The following PFKL variants were observed in gnomAD, a reference collection of about 807,000 sequenced individuals.
The protein encoded by PFKL is phosphofructokinase, liver type, also known as ATP-dependent 6-phosphofructokinase, liver type.
PFKL carries 74 observed loss-of-function variants against 92.1 expected under a neutral mutation model. The observed-to-expected ratio is 0.80, with a 90% CI of 0.67 to 0.97. PFKL has a LOEUF of 0.97. Ranked by LOEUF, PFKL falls within the 50% of genes least tolerant of loss-of-function variation. The probability of loss-of-function intolerance (pLI) is 0.00; values close to 1 mark genes in which losing one functional copy is unlikely to be tolerated. For synonymous variants in PFKL, 494 were observed against 456.4 expected, an observed-to-expected ratio of 1.08 and a Z score of -1.05; for missense variants, 1,028 against 1,116.6, an observed-to-expected ratio of 0.92 and a Z score of 1.13.
At position 44,311,235 on chromosome 21, in the gene PFKL, C is replaced by G. The variant is rs530271064; in HGVS notation, c.237+152C>G. ...AGACATGCACACAGACGCACACACA[C>G]ACAGATGTGCACACACACAGATGCG... is the stretch of plus-strand genomic sequence containing the variant. On this transcript the variant is annotated intron_variant, in intron 3 of 21. Transcript: ENST00000349048. 1.3e-4 allele frequency: 85 copies of G among 630,702 alleles called. 1 individual carries two copies. The African/African-American group carries it at 1.4e-3, about 10-fold the overall frequency. 39.1% of individuals were successfully genotyped at this position (630,702 alleles called of 1,614,324 possible). A position where few individuals can be genotyped will look rare whatever the true frequency, so the allele number is the denominator to read the frequency against.
intron 1 of PFKL, chr21:44,305,237 G>C: frequency 7.7e-7 from 1 of 1,297,290 alleles, no homozygotes; most frequent in Non-Finnish European, 1.0e-6. Flanking sequence ...ACAGTGTGCC[G>C]ATCCCTGGGG....
At chr21:44,325,704 G>C (rs934460503) in intron 19 of PFKL, 1 of 535,768 alleles carries the variant, frequency 1.9e-6, no homozygotes, top group Non-Finnish European at 3.3e-6. Flanking sequence ...TGCCGATGCA[G>C]GGCCCAGGAG....
chr21:44,326,071 G>A lies in PFKL; in HGVS notation c.2089+11G>A. On this transcript the variant is annotated intron_variant, in intron 20 of 21. Transcript: ENST00000349048. Reference sequence around the variant, plus strand: ...AGGTTTACCGCAAGGGTAGGTGGTGGGTGCGACCCGAGGCCTCACTTTGCC... The same window carrying A: ...AGGTTTACCGCAAGGGTAGGTGGTGAGTGCGACCCGAGGCCTCACTTTGCC... 1.2e-6 allele frequency: 2 copies of A among 1,612,200 alleles called. No individual in the cohort carries two copies. The highest frequency in any genetic ancestry group is 1.7e-6 in the Non-Finnish European group (2 of 1,178,934).
chr21:44,324,115 G>A (rs772408105), intron 16 of PFKL, among the ~76,000 whole-genome samples, 197 bp downstream of exon 16: 6 of 152,156 alleles, frequency 3.9e-5, no homozygotes, highest in African/African-American at 1.4e-4. Flanking sequence ...GGGGCCCTGC[G>A]TTGTTCCTCG....
intron 2 of PFKL, chr21:44,307,451 A>C (rs1230779576): frequency 4.0e-6 from 1 of 252,280 alleles, no homozygotes; most frequent in Non-Finnish European, 6.3e-6. Context: ...CACATTCCAC[A>C]AGACAAGGTC....
At chr21:44,311,198 A>G in intron 3 of PFKL, 115 bp downstream of exon 3, 3 of 731,826 alleles carry the variant, frequency 4.1e-6, no homozygotes, top group South Asian at 1.7e-5. Context: ...AAACACACAC[A>G]TGCAGACACA....
chr21:44,303,253 C>A (rs1478509429), intron 1 of PFKL, among the ~76,000 whole-genome samples: 1 of 149,118 alleles, frequency 6.7e-6, no homozygotes. Flanking sequence ...CAAGAAAAAA[C>A]CCCAAAAATC....
At chr21:44,316,391 TG>T (rs2047206574) in intron 8 of PFKL, 40 bp from the exon 9 acceptor site, 1 of 1,611,826 alleles carries the variant, frequency 6.2e-7, no homozygotes, top group Non-Finnish European at 8.5e-7. Context: ...CTAGGCCGTG[TG>T]GGCTGGGGCT....
intron 11 of PFKL, 138 bp from the exon 12 acceptor site, chr21:44,319,946 G>A (rs1051439967): frequency 1.5e-5 from 11 of 723,102 alleles, no homozygotes; most frequent in African/African-American, 5.2e-5. Flanking sequence ...TGGCATGCGC[G>A]GTGTCTGCTG....
chr21:44,327,005 C>G lies in PFKL; in HGVS notation c.*143C>G. 1.4e-6 allele frequency: 1 copy of G among 727,916 alleles called. No homozygotes were observed. Among genetic ancestry groups the G allele is most frequent in the South Asian group, 1.8e-5 (1 of 55,696 alleles). The allele number at this position is 727,916 out of a possible 1,614,324, so 45.1% of individuals were successfully genotyped here. ...GCTCAGCCCATCCCCTGCCTCTATC[C>G]CTGGCCACCTGCCAGGCCTCCCTCG... On this transcript the variant is annotated 3_prime_UTR_variant, in exon 22 of 22. Coordinates refer to ENST00000349048, the MANE Select transcript of PFKL (RefSeq NM_002626.6).
chr21:44,327,198 T>G lies in PFKL; in HGVS notation c.*336T>G, dbSNP rs961062345. 16 of 367,196 alleles carry G rather than the reference T, an allele frequency of 4.4e-5. No individual in the cohort carries two copies. The highest frequency in any genetic ancestry group is 2.9e-4 in the African/African-American group (14 of 48,932). The allele number at this position is 367,196 out of a possible 1,614,324, so 22.7% of individuals were successfully genotyped here. A position where few individuals can be genotyped will look rare whatever the true frequency, so the allele number is the denominator to read the frequency against. On this transcript the variant is annotated 3_prime_UTR_variant, in exon 22 of 22. Coordinates refer to ENST00000349048, the MANE Select transcript of PFKL (RefSeq NM_002626.6). The stretch of plus-strand genomic sequence containing the variant: ...CAGCGTCTCCCCATGCTGGGCTCAC[T>G]ACATGGGCCAGCCCTTGCTCTACCT...
At chr21:44,301,543 C>T (rs1468113016) in intron 1 of PFKL, among the ~76,000 whole-genome samples, 1 of 152,172 alleles carries the variant, frequency 6.6e-6, no homozygotes, top group Non-Finnish European at 1.5e-5. Context: ...GTGGCTCACA[C>T]CTGTAATTCC....
intron 9 of PFKL, 125 bp downstream of exon 9, chr21:44,316,649 C>T (rs1298030866): frequency 1.9e-5 from 13 of 702,462 alleles, no homozygotes; most frequent in Non-Finnish European, 2.8e-5. Context: ...GGTGAGTGTC[C>T]GTGTCTGTGT....
chr21:44,300,386 C>T (rs1425283729), intron 1 of PFKL, among the ~76,000 whole-genome samples, 196 bp downstream of exon 1: 1 of 152,026 alleles, frequency 6.6e-6, no homozygotes. Flanking sequence ...CTACGTGCGG[C>T]CGGCCACGTT....
At position 44,327,029 on chromosome 21, in the gene PFKL, C is replaced by T. The variant is rs534125897; in HGVS notation, c.*167C>T. On this transcript the variant is annotated 3_prime_UTR_variant, in exon 22 of 22. Transcript: ENST00000349048. The stretch of plus-strand genomic sequence containing the variant: ...CCCTGGCCACCTGCCAGGCCTCCCT[C>T]GGGCTGGTGTCTTGAGACCAGCCTG... 1.6e-4 allele frequency: 106 copies of T among 658,692 alleles called. No homozygotes were observed. In the African/African-American group the frequency reaches 1.7e-3, roughly 11 times the overall value. The allele number at this position is 658,692 out of a possible 1,614,324, so 40.8% of individuals were successfully genotyped here.
At chr21:44,324,950 C>G (rs546055162) in intron 18 of PFKL, 33 bp downstream of exon 18, 1 of 1,569,872 alleles carries the variant, frequency 6.4e-7, no homozygotes, top group Admixed American at 1.8e-5. Context: ...GCCACAGCTG[C>G]GCGTCCAACT....
At position 44,324,472 on chromosome 21, in the gene PFKL, AC is replaced by A. The variant is rs760183663; in HGVS notation, c.1651-12del. 5 of 1,606,390 alleles carry A rather than the reference AC, an allele frequency of 3.1e-6. No individual in the cohort carries two copies. The highest frequency in any genetic ancestry group is 1.4e-5 in the African/African-American group (1 of 73,288). ...AGGGTGGGCACGTGGAGGACCCCCG[AC>A]CCCCCCTTGTCCCCCAGAGCTGTGA... On this transcript the variant is annotated intron_variant, in intron 16 of 21. Coordinates refer to ENST00000349048, the MANE Select transcript of PFKL (RefSeq NM_002626.6).
Position 44,316,470 on chromosome 21 carries a change from T to C in PFKL, c.882T>C (p.Thr294=). ...GGCTGGGCTTCGACACCCGTGTAAC[T>C]GTGCTGGGCCACGTGCAGCGGGGAG... is the stretch of plus-strand genomic sequence containing the variant. ...VQRLGFDTRV[T]VLGHVQRGGT... Residue 294 remains threonine, a synonymous_variant, in exon 9 of 22, where the codon ACT becomes ACC. Transcript: ENST00000349048. The C allele has an allele frequency of 1.9e-6, 3 of 1,609,952 alleles. No individual in the cohort carries two copies. The highest frequency in any genetic ancestry group is 2.5e-6 in the Non-Finnish European group (3 of 1,177,458).
At chr21:44,306,112 G>GCTTTCCTCAGTGCCCAGAGGTGCTCA (rs146358238) in intron 1 of PFKL, among the ~76,000 whole-genome samples, 1 of 152,218 alleles carries the variant, frequency 6.6e-6, no homozygotes. Flanking sequence ...CCACGCCGCA[G>GCTTTCCTCAGTGCCCAGAGGTGCTCA]CCTGAATGTC....
Sources: gnomAD v4.1 joint callset for allele counts (sites outside exome capture counted in the v4.1 genomes callset) on GRCh38, gnomAD v4.1.1 for gene constraint, MANE v1.5 for transcripts, NCBI Gene and HGNC (gene_info 2026-07-23, HGNC 2026-07-21) for gene names.